BCL7C: variants seen among roughly 807,000 people sequenced by gnomAD.
The protein encoded by BCL7C is B-cell CLL/lymphoma 7 protein family member C.
In BCL7C, 8 loss-of-function variants were observed where a neutral mutation model predicts 26.2. The ratio of observed to expected loss-of-function variants is 0.30; its 90% CI spans 0.18 to 0.55. The LOEUF (loss-of-function observed/expected upper bound fraction) is 0.55, where lower values mean the gene tolerates loss of function less well. BCL7C is among the 20% of genes least tolerant of loss of function. BCL7C has a pLI of 0.93. For synonymous variants in BCL7C, 90 were observed against 116.5 expected (o/e 0.77, Z 1.47); for missense variants, 262 against 298.5 (o/e 0.88, Z 0.90).
intron 5 of BCL7C, among the ~76,000 whole-genome samples, chr16:30,843,090 A>G (rs2054612511): frequency 6.6e-6 from 1 of 152,236 alleles, no homozygotes; most frequent in South Asian, 2.1e-4. Context: ...ATGCGTTAGT[A>G]TAGGTCTGTA....
At chr16:30,868,342 T>C (rs1246295101) in intron 5 of BCL7C, among the ~76,000 whole-genome samples, 6 of 148,556 alleles carry the variant, frequency 4.0e-5, no homozygotes, top group Non-Finnish European at 9.0e-5. Flanking sequence ...TTTCACCATG[T>C]TAGCCAGGAT....
In BCL7C at chr16:30,893,163, G is replaced by T; in HGVS notation, c.171+49C>A. On this transcript the variant is annotated intron_variant, in intron 2 of 5. Transcript: ENST00000215115. The surrounding 1 kb of genome is among the most constrained non-coding windows in gnomAD (Gnocchi z 5.2). The stretch of plus-strand genomic sequence containing the variant: ...TAGAGGTCAGCGTGGGGAGGAACTT[G>T]CCTGAGGTTGCACAGATGCAGGGCC... 6.3e-7 allele frequency: 1 copy of T among 1,575,506 alleles called. No individual in the cohort carries two copies. Among genetic ancestry groups the T allele is most frequent in the Non-Finnish European group, 8.7e-7 (1 of 1,151,868 alleles).
At chr16:30,857,414 C>A (rs1186131650) in intron 5 of BCL7C, among the ~76,000 whole-genome samples, 5 of 150,652 alleles carry the variant, frequency 3.3e-5, no homozygotes, top group Admixed American at 2.6e-4. Context: ...AAAAGATAAA[C>A]CCTGAGAATA....
chr16:30,857,256 T>G (rs912194016), intron 5 of BCL7C, among the ~76,000 whole-genome samples: 1 of 151,808 alleles, frequency 6.6e-6, no homozygotes, highest in South Asian at 2.1e-4. Flanking sequence ...GGCACGGTGG[T>G]GCATGCCTGT....
chr16:30,858,359 T>A (rs1210468819), intron 5 of BCL7C, among the ~76,000 whole-genome samples: 1 of 152,148 alleles, frequency 6.6e-6, no homozygotes. Flanking sequence ...CTTTCCGAAG[T>A]GACCTATGGC....
At chr16:30,868,499 C>A (rs981667096) in intron 5 of BCL7C, among the ~76,000 whole-genome samples, 1 of 149,900 alleles carries the variant, frequency 6.7e-6, no homozygotes, top group Non-Finnish European at 1.5e-5. Flanking sequence ...GAAAACAATA[C>A]AATAGGCCAG....
chr16:30,891,714 C>G (rs2055240482), intron 4 of BCL7C, among the ~76,000 whole-genome samples: 1 of 152,168 alleles, frequency 6.6e-6, no homozygotes, highest in Non-Finnish European at 1.5e-5. Flanking sequence ...CCTATAATCC[C>G]AGCACCTTGG....
At chr16:30,842,061 C>T (rs772499416) in intron 5 of BCL7C, among the ~76,000 whole-genome samples, 3 of 151,664 alleles carry the variant, frequency 2.0e-5, no homozygotes, top group African/African-American at 2.4e-5. Flanking sequence ...CTTTTATTCC[C>T]GTGTTCACCC....
intron 5 of BCL7C, 58 bp from the exon 6 acceptor site, chr16:30,888,048 A>C: frequency 1.3e-6 from 2 of 1,536,494 alleles, no homozygotes; most frequent in Non-Finnish European, 1.8e-6. Context: ...CCAGCCTCTG[A>C]GCCTCTGCCT....
chr16:30,836,766 C>T (rs1413974256), intron 5 of BCL7C, among the ~76,000 whole-genome samples: 1 of 150,952 alleles, frequency 6.6e-6, no homozygotes, highest in Non-Finnish European at 1.5e-5. Context: ...GTGAGCCACT[C>T]GCCTGGCCAA....
chr16:30,865,402 C>G (rs2054816752), intron 5 of BCL7C, among the ~76,000 whole-genome samples: 1 of 151,658 alleles, frequency 6.6e-6, no homozygotes. Flanking sequence ...GTGACAGTCT[C>G]TACCAAAAAA....
At chr16:30,879,788 G>A (rs2055015188) in intron 5 of BCL7C, among the ~76,000 whole-genome samples, 1 of 150,694 alleles carries the variant, frequency 6.6e-6, no homozygotes, top group African/African-American at 2.4e-5. Flanking sequence ...AGGAGATCGA[G>A]ACCATCCTGG....
intron 5 of BCL7C, among the ~76,000 whole-genome samples, chr16:30,881,423 C>CAT (rs1009343509): frequency 6.6e-6 from 1 of 151,130 alleles, no homozygotes; most frequent in African/African-American, 2.4e-5. Flanking sequence ...CACACACACA[C>CAT]ACAACAAAAA....
chr16:30,865,932 A>G (rs544663350), intron 5 of BCL7C, among the ~76,000 whole-genome samples: 5 of 145,818 alleles, frequency 3.4e-5, no homozygotes, highest in Middle Eastern at 3.5e-3. Context: ...ACAGCGTTTC[A>G]CTATGTTGGC....
At position 30,892,645 on chromosome 16, in the gene BCL7C, G is replaced by A. The variant is rs765481514; in HGVS notation, c.383C>T (p.Ala128Val). ...CTCAGGGACCCCTTCTGGGGGTCCG[G>A]CAGGTGACACAGGGCGGCTGGGCTG... ...TPQPSRPVSP[A>V]GPPEGVPEEA... is the part of the protein sequence containing the mutation. The change falls in exon 4 of 6, where the codon GCC (alanine) becomes GTC (valine). Residue 128 changes from alanine (A) to valine (V), a missense_variant. Physicochemically the swap from Ala to Val is moderately conservative, Grantham distance 64. Coordinates refer to ENST00000215115, the MANE Select transcript of BCL7C (RefSeq NM_004765.4). The A allele has an allele frequency of 6.2e-7, 1 of 1,612,546 alleles. No individual in the cohort carries two copies. The highest frequency in any genetic ancestry group is 8.5e-7 in the Non-Finnish European group (1 of 1,179,374).
Position 30,849,601 on chromosome 16 carries a change from G to C in BCL7C, c.529-14453C>G, listed in dbSNP as rs544050736. Among the ~76,000 whole-genome samples, 127 of 152,088 alleles carry C rather than the reference G, an allele frequency of 8.4e-4. 1 individual carries two copies. Among genetic ancestry groups the C allele is most frequent in the African/African-American group, 3.0e-3 (124 of 41,470 alleles). ...CAAGTAGCTGGGATTACAGGCTCCT[G>C]CCACCTGCCTGGCTAATTTTTATAT... On this transcript the variant is annotated intron_variant, in intron 5 of 5. Transcript: ENST00000380317.
chr16:30,863,062 C>G (rs182310300), intron 5 of BCL7C, among the ~76,000 whole-genome samples: 2 of 152,096 alleles, frequency 1.3e-5, no homozygotes, highest in African/African-American at 2.4e-5. Context: ...CTGGCCCCCC[C>G]ACATTATTCC....
At position 30,893,111 on chromosome 16, in the gene BCL7C, G is replaced by A; in HGVS notation, c.171+101C>T. 7.6e-7 allele frequency: 1 copy of A among 1,323,938 alleles called. No homozygotes were observed. Among genetic ancestry groups the A allele is most frequent in the Non-Finnish European group, 1.1e-6 (1 of 941,398 alleles). The allele number at this position is 1,323,938 out of a possible 1,614,324, so 82.0% of individuals were successfully genotyped here. ...AATGATGGTTCCCGTCTGTCCTGCT[G>A]CATCTGAGGTCTCGGGGAGCTGGAG... On this transcript the variant is annotated intron_variant, in intron 2 of 5. Transcript: ENST00000215115. This position sits in a 1 kb window ranked among gnomAD's most constrained non-coding sequence, Gnocchi z 5.2.
Position 30,892,716 on chromosome 16 carries a change from T to A in BCL7C, c.312A>T (p.Glu104Asp). The change falls in exon 4 of 6, where the codon GAA (glutamate) becomes GAT (aspartate). Residue 104 changes from glutamate to aspartate, a missense_variant. Physicochemically the swap from Glu to Asp is conservative, Grantham distance 45. Transcript: ENST00000215115. The stretch of plus-strand genomic sequence containing the variant: ...GCTCTGTGCCCTTTTGCAGGGAACC[T>A]TCCGAATGGAAACTCTGGTTGCTGT... ...DENSNQSFHS[E>D]GSLQKGTEPS... is the part of the protein sequence containing the mutation. 1 of 1,614,130 alleles carries A rather than the reference T, an allele frequency of 6.2e-7. No individual in the cohort carries two copies. Among genetic ancestry groups the A allele is most frequent in the Non-Finnish European group, 8.5e-7 (1 of 1,180,000 alleles).
Sources: gnomAD v4.1 joint callset for allele counts (sites outside exome capture counted in the v4.1 genomes callset) on GRCh38, gnomAD v4.1.1 for gene constraint, Gnocchi (gnomAD v3.1) non-coding constraint, MANE v1.5 for transcripts, NCBI Gene and HGNC (gene_info 2026-07-23, HGNC 2026-07-21) for gene names.